Variants in UHRF1 observed in about 807,000 individuals in gnomAD.
The protein encoded by UHRF1 is ubiquitin like with PHD and ring finger domains 1, also known as E3 ubiquitin-protein ligase UHRF1.
UHRF1 carries 9 observed loss-of-function variants against 96.5 expected under a neutral mutation model. The observed-to-expected ratio is 0.09, with a 90% CI of 0.06 to 0.16. The LOEUF (loss-of-function observed/expected upper bound fraction) is 0.16. Among genes scored for constraint, UHRF1 ranks in the 10% least tolerant of loss-of-function variants. UHRF1 has a pLI of 1.00. For synonymous variants in UHRF1, 455 were observed against 469.9 expected, an observed-to-expected ratio of 0.97 and a Z score of 0.41; for missense variants, 626 against 1,131.1, an observed-to-expected ratio of 0.55 and a Z score of 6.40.
chr19:4,956,500 G>A (rs2033860271), intron 15 of UHRF1, among the ~76,000 whole-genome samples: 1 of 152,234 alleles, frequency 6.6e-6, no homozygotes, highest in South Asian at 2.1e-4. Flanking sequence ...TCCCCACCTT[G>A]CCACTTGGGG....
Position 4,960,891 on chromosome 19 carries a change from C to A in UHRF1, c.*88C>A. On this transcript the variant is annotated 3_prime_UTR_variant, in exon 17 of 17. Coordinates refer to ENST00000650932, the MANE Select transcript of UHRF1 (RefSeq NM_001048201.3). ...CTGATTTTGTTCTTAGTGGGCTTAA[C>A]TTAAACAGGTAGTGTTTCCTCCGTT... 4.3e-6 allele frequency: 3 copies of A among 694,324 alleles called. No individual in the cohort carries two copies. In the South Asian group the frequency reaches 5.6e-5, roughly 13 times the overall value. 43.0% of individuals were successfully genotyped at this position (694,324 alleles called of 1,614,324 possible). A position where few individuals can be genotyped will look rare whatever the true frequency, so the allele number is the denominator to read the frequency against.
At chr19:4,909,359 T>G, upstream of UHRF1, 1 of 607,308 alleles carries the variant, frequency 1.6e-6, no homozygotes, top group Admixed American at 2.8e-5. Context: ...GGAGGCGCCG[T>G]GGACAGAGGC....
chr19:4,918,511 G>A (rs998352431), intron 2 of UHRF1, among the ~76,000 whole-genome samples: 6 of 150,900 alleles, frequency 4.0e-5, no homozygotes, highest in African/African-American at 7.3e-5. Flanking sequence ...TCCACCTCCC[G>A]GGTTCAAGCA....
chr19:4,904,273 T>G (rs1198188190), intron 1 of UHRF1, among the ~76,000 whole-genome samples: 5 of 151,858 alleles, frequency 3.3e-5, no homozygotes, highest in African/African-American at 7.3e-5. Context: ...CCGCCTCCCG[T>G]GTTCATGCCA....
chr19:4,917,452 G>A (rs556511098), intron 2 of UHRF1, among the ~76,000 whole-genome samples: 5 of 151,698 alleles, frequency 3.3e-5, no homozygotes, highest in African/African-American at 4.8e-5. Context: ...TCAAGAGATC[G>A]AGACCATGCT....
intron 2 of UHRF1, among the ~76,000 whole-genome samples, chr19:4,925,896 T>C (rs953785620): frequency 6.6e-6 from 1 of 151,114 alleles, no homozygotes; most frequent in African/African-American, 2.4e-5. Flanking sequence ...TTTCTTTCTT[T>C]CTTTTTTTCT....
chr19:4,945,729 A>G, intron 9 of UHRF1, 132 bp from the exon 10 acceptor site: 1 of 673,866 alleles, frequency 1.5e-6, no homozygotes, highest in Admixed American at 2.2e-5. Flanking sequence ...GTAGTAGGTG[A>G]CTCGCAGGCC....
At chr19:4,914,072 C>CA (rs1033583835) in intron 2 of UHRF1, among the ~76,000 whole-genome samples, 2 of 152,026 alleles carry the variant, frequency 1.3e-5, no homozygotes, top group African/African-American at 2.4e-5. Context: ...CCCCCTCCCC[C>CA]ACCTTGGCCT....
intron 2 of UHRF1, among the ~76,000 whole-genome samples, chr19:4,919,759 A>G (rs1446899772): frequency 6.6e-6 from 1 of 152,126 alleles, no homozygotes; most frequent in Non-Finnish European, 1.5e-5. Context: ...GTTCAATGAT[A>G]GGAGACTTTA....
chr19:4,936,373 A>G (rs1210517990), intron 5 of UHRF1, among the ~76,000 whole-genome samples: 1 of 152,152 alleles, frequency 6.6e-6, no homozygotes, highest in Non-Finnish European at 1.5e-5. Flanking sequence ...TGGGAGACAG[A>G]TCTGCAGATG....
intron 5 of UHRF1, among the ~76,000 whole-genome samples, chr19:4,937,644 G>A (rs770808380): frequency 6.6e-5 from 10 of 152,132 alleles, no homozygotes; most frequent in Middle Eastern, 6.3e-3. Flanking sequence ...GATTATAGGC[G>A]TGAGCCACTT....
chr19:4,912,732 T>G (rs1013377282), intron 2 of UHRF1, among the ~76,000 whole-genome samples: 6 of 152,100 alleles, frequency 3.9e-5, no homozygotes, highest in African/African-American at 1.4e-4. Context: ...AGCTCAGTAT[T>G]TGTTTTTGGT....
chr19:4,948,053 G>C lies in UHRF1; in HGVS notation c.1517+842G>C, dbSNP rs2033619586. ...CAGGAGGTTGAGGCCGCAGTGGGCT[G>C]AGATTGCACCACTGCACTCCAGCTT... On this transcript the variant is annotated intron_variant, in intron 11 of 16. Transcript: ENST00000650932. Among the ~76,000 whole-genome samples the C allele has an allele frequency of 2.1e-5, 3 of 140,828 alleles. No homozygotes were observed. The South Asian group carries it at 7.3e-4, about 34-fold the overall frequency. 92.4% of individuals were successfully genotyped at this position (140,828 alleles called of 152,430 possible). A position where few individuals can be genotyped will look rare whatever the true frequency, so the allele number is the denominator to read the frequency against.
chr19:4,956,952 T>C (rs569496166), intron 16 of UHRF1, 139 bp downstream of exon 16: 20 of 678,744 alleles, frequency 2.9e-5, no homozygotes, highest in African/African-American at 1.6e-4. Context: ...CGGGGCCCTG[T>C]TGACTGCTTT....
At chr19:4,950,253 T>G (rs1031129395) in intron 11 of UHRF1, among the ~76,000 whole-genome samples, 3 of 151,524 alleles carry the variant, frequency 2.0e-5, no homozygotes, top group Admixed American at 6.6e-5. Flanking sequence ...TAAATTTTTT[T>G]TTTTTTTTGA....
At chr19:4,953,215 A>G (rs765462873) in intron 13 of UHRF1, among the ~76,000 whole-genome samples, 54 of 152,176 alleles carry the variant, frequency 3.5e-4, no homozygotes, top group Non-Finnish European at 6.2e-4. Context: ...GAGGCTCCAC[A>G]GTTAACGAAG....
At chr19:4,942,966 G>A (rs991587356) in intron 7 of UHRF1, among the ~76,000 whole-genome samples, 1 of 151,774 alleles carries the variant, frequency 6.6e-6, no homozygotes, top group African/African-American at 2.4e-5. Context: ...GAGGTCAGGT[G>A]CAGTGGCTCA....
upstream of UHRF1, chr19:4,909,229 C>G (rs892405689): frequency 1.4e-5 from 7 of 499,664 alleles, no homozygotes; most frequent in African/African-American, 4.1e-5. Flanking sequence ...CCTGGGGGTC[C>G]CCAAGGCTCC....
At chr19:4,925,307 C>T (rs1184892377) in intron 2 of UHRF1, among the ~76,000 whole-genome samples, 1 of 152,128 alleles carries the variant, frequency 6.6e-6, no homozygotes, top group Non-Finnish European at 1.5e-5. Flanking sequence ...TGCATCTCCT[C>T]CCGCAGCCCC....
Sources: gnomAD v4.1 joint callset for allele counts (sites outside exome capture counted in the v4.1 genomes callset) on GRCh38, gnomAD v4.1.1 for gene constraint, MANE v1.5 for transcripts, NCBI Gene and HGNC (gene_info 2026-07-23, HGNC 2026-07-21) for gene names.